The following MAML3 variants were observed in gnomAD, a reference collection of about 807,000 sequenced individuals.
The protein encoded by MAML3 is mastermind-like protein 3.
A neutral mutation model predicts 101.9 loss-of-function variants in MAML3; 27 were observed. That is an observed-to-expected ratio of 0.27 (90% CI 0.20 to 0.37). The LOEUF is 0.37. Among genes scored for constraint, MAML3 ranks in the 10% least tolerant of loss-of-function variants. MAML3 has a pLI of 1.00. For synonymous variants in MAML3, 501 were observed against 555.9 expected, an observed-to-expected ratio of 0.90 and a Z score of 1.39; for missense variants, 1,316 against 1,444.9, an observed-to-expected ratio of 0.91 and a Z score of 1.45.
intron 1 of MAML3, among the ~76,000 whole-genome samples, chr4:139,897,891 A>C (rs754210532): frequency 6.6e-6 from 1 of 152,074 alleles, no homozygotes; most frequent in African/African-American, 2.4e-5. Flanking sequence ...CTCAACTCCA[A>C]ACTTTCAGCT....
chr4:139,990,005 G>A (rs549428696), intron 1 of MAML3, among the ~76,000 whole-genome samples: 1 of 151,986 alleles, frequency 6.6e-6, no homozygotes, highest in Non-Finnish European at 1.5e-5. Flanking sequence ...AAAAAATCAG[G>A]ACTGTAAGAA....
intron 2 of MAML3, among the ~76,000 whole-genome samples, chr4:139,784,900 T>C (rs941113610): frequency 6.6e-6 from 1 of 151,678 alleles, no homozygotes; most frequent in Non-Finnish European, 1.5e-5. Context: ...CACGTGGACA[T>C]GGAGTGTGGA....
chr4:139,856,396 G>T (rs1161863789), intron 2 of MAML3, among the ~76,000 whole-genome samples: 1 of 152,224 alleles, frequency 6.6e-6, no homozygotes, highest in African/African-American at 2.4e-5. Context: ...ACAAGGACCT[G>T]CAATGTAGAG....
At chr4:140,099,019 AG>A (rs1728210912) in intron 1 of MAML3, among the ~76,000 whole-genome samples, 1 of 152,178 alleles carries the variant, frequency 6.6e-6, no homozygotes, top group Admixed American at 6.5e-5. Flanking sequence ...GTGGTACAAT[AG>A]GCTCTTTGTT....
intron 1 of MAML3, among the ~76,000 whole-genome samples, chr4:139,956,142 T>C (rs1329271891): frequency 1.3e-5 from 2 of 152,216 alleles, no homozygotes; most frequent in Admixed American, 6.5e-5. Flanking sequence ...TTAATCTTTC[T>C]GAGCTTCAGG....
intron 1 of MAML3, among the ~76,000 whole-genome samples, chr4:140,133,339 C>T (rs1728827558): frequency 6.6e-6 from 1 of 152,180 alleles, no homozygotes; most frequent in Admixed American, 6.5e-5. Context: ...GCCACTAAAG[C>T]TATCTGATTG....
At chr4:139,749,868 A>G (rs1729447649) in intron 2 of MAML3, among the ~76,000 whole-genome samples, 1 of 145,864 alleles carries the variant, frequency 6.9e-6, no homozygotes, top group South Asian at 2.2e-4. Flanking sequence ...CAACTCTCAT[A>G]GTGGAGATGA....
intron 1 of MAML3, among the ~76,000 whole-genome samples, chr4:140,002,327 ATTC>A (rs1030453416): frequency 2.6e-5 from 4 of 152,108 alleles, no homozygotes; most frequent in African/African-American, 9.7e-5. Context: ...CTGTGCCTGG[ATTC>A]TTCTTATTTT....
At chr4:140,014,338 C>T (rs1371516720) in intron 1 of MAML3, among the ~76,000 whole-genome samples, 1 of 152,088 alleles carries the variant, frequency 6.6e-6, no homozygotes, top group Admixed American at 6.6e-5. Flanking sequence ...AATGTAGACA[C>T]AATTTAAAAT....
chr4:139,803,873 T>G (rs531736902), intron 2 of MAML3, among the ~76,000 whole-genome samples: 1 of 152,244 alleles, frequency 6.6e-6, no homozygotes, highest in South Asian at 2.1e-4. Context: ...AACTGTTGAG[T>G]CCAGAGCTAA....
chr4:139,982,658 A>G (rs1012764422), intron 1 of MAML3, among the ~76,000 whole-genome samples: 2 of 152,124 alleles, frequency 1.3e-5, no homozygotes, highest in African/African-American at 2.4e-5. Context: ...CTTTTTTCCT[A>G]TACACAAAAG....
intron 2 of MAML3, among the ~76,000 whole-genome samples, chr4:139,803,446 G>A (rs2604931): frequency 0.83 from 126,772 of 152,130 alleles, 52,767 homozygotes; most frequent in South Asian, 0.89. Flanking sequence ...TAAGAGTTGC[G>A]TGTTCTTTTT....
chr4:139,753,259 A>T (rs1054088778), intron 2 of MAML3, among the ~76,000 whole-genome samples: 1 of 152,158 alleles, frequency 6.6e-6, no homozygotes, highest in Non-Finnish European at 1.5e-5. Flanking sequence ...ACCATGATCT[A>T]TTTCCAGAAC....
intron 1 of MAML3, among the ~76,000 whole-genome samples, chr4:139,894,613 C>T (rs1027157624): frequency 6.6e-6 from 1 of 151,990 alleles, no homozygotes; most frequent in Non-Finnish European, 1.5e-5. Flanking sequence ...CAGTCTAACC[C>T]TTGTTCCTAA....
chr4:140,016,475 C>A (rs1038078245), intron 1 of MAML3, among the ~76,000 whole-genome samples: 4 of 151,924 alleles, frequency 2.6e-5, no homozygotes, highest in African/African-American at 9.7e-5. Flanking sequence ...ATAATGGAAG[C>A]AATTTTGAAA....
chr4:140,108,135 CA>C (rs1181304139), intron 1 of MAML3, among the ~76,000 whole-genome samples: 1 of 152,092 alleles, frequency 6.6e-6, no homozygotes, highest in Non-Finnish European at 1.5e-5. Context: ...CCTCCCAACC[CA>C]CCATGTATGC....
chr4:139,950,924 G>A (rs1449529657), intron 1 of MAML3, among the ~76,000 whole-genome samples: 2 of 152,134 alleles, frequency 1.3e-5, no homozygotes, highest in African/African-American at 4.8e-5. Context: ...TGGCATTTTG[G>A]TCACCTTTTC....
intron 2 of MAML3, among the ~76,000 whole-genome samples, chr4:139,811,335 A>G (rs1423775129): frequency 2.0e-5 from 3 of 152,180 alleles, no homozygotes; most frequent in African/African-American, 7.2e-5. Flanking sequence ...AGCCTTGGAC[A>G]AGGGGGTGAG....
In MAML3 at chr4:139,890,335, T is replaced by C. The variant is rs1578649842; in HGVS notation, c.1101A>G (p.Ala367=). ...VKSDPSHSPF[A]HVSMGSPQAR... ...CCTGGGGAGATCCCATGGAGACATG[T>C]GCGAAGGGAGAGTGAGAGGGGTCGC... The change falls in exon 2 of 5, where the codon GCA becomes GCG. Residue 367 remains alanine (A), a synonymous_variant. Transcript: ENST00000509479. This position sits in a 1 kb window ranked among gnomAD's most constrained non-coding sequence, Gnocchi z 4.1. 6.2e-7 allele frequency: 1 copy of C among 1,609,216 alleles called. No individual in the cohort carries two copies. The highest frequency in any genetic ancestry group is 8.5e-7 in the Non-Finnish European group (1 of 1,176,802).
Sources: gnomAD v4.1 joint callset for allele counts (sites outside exome capture counted in the v4.1 genomes callset) on GRCh38, gnomAD v4.1.1 for gene constraint, Gnocchi (gnomAD v3.1) non-coding constraint, MANE v1.5 for transcripts, NCBI Gene and HGNC (gene_info 2026-07-23, HGNC 2026-07-21) for gene names.